GNE: variants seen among roughly 807,000 people sequenced by gnomAD.
GNE encodes the protein glucosamine (UDP-N-acetyl)-2-epimerase/N-acetylmannosamine kinase.
GNE carries 41 observed loss-of-function variants against 61.8 expected under a neutral mutation model. The observed-to-expected ratio is 0.66, with a 90% confidence interval of 0.52 to 0.86. The LOEUF is 0.86. Among genes scored for constraint, GNE ranks in the 40% least tolerant of loss-of-function variants. The pLI, the probability that GNE is intolerant of heterozygous loss-of-function variation, is 0.00. For missense variants in GNE, 608 were observed against 909.1 expected (o/e 0.67, Z 4.26); for synonymous variants, 264 against 326.4 (o/e 0.81, Z 2.06).
At chr9:36,251,676 T>C (rs1830109883) in intron 1 of GNE, among the ~76,000 whole-genome samples, 1 of 152,152 alleles carries the variant, frequency 6.6e-6, no homozygotes, top group South Asian at 2.1e-4. Flanking sequence ...AGTGTATCAA[T>C]ATTTAGAACT....
intron 1 of GNE, among the ~76,000 whole-genome samples, chr9:36,276,137 C>T (rs759683859): frequency 1.3e-5 from 2 of 152,038 alleles, no homozygotes; most frequent in Non-Finnish European, 2.9e-5. Flanking sequence ...TATGCCACTA[C>T]AATCCAGCCT....
chr9:36,233,020 A>G (rs554164939), intron 5 of GNE, among the ~76,000 whole-genome samples: 1 of 152,334 alleles, frequency 6.6e-6, no homozygotes, highest in African/African-American at 2.4e-5. Flanking sequence ...AAAGGTGGCA[A>G]TTATGAAGAA....
At position 36,218,123 on chromosome 9, in the gene GNE, G is replaced by T; in HGVS notation, c.1933+60C>A. On this transcript the variant is annotated intron_variant, in intron 11 of 11. Coordinates refer to ENST00000642385, the MANE Select transcript of GNE (RefSeq NM_005476.7). This position sits in a 1 kb window ranked among gnomAD's most constrained non-coding sequence, Gnocchi z 4.1. Reference sequence around the variant, plus strand: ...GCAGGGTCTCTTCTGGGGCCGGGCTGGGCCATATGATATCTGAGGCCACCC... The same window carrying T: ...GCAGGGTCTCTTCTGGGGCCGGGCTTGGCCATATGATATCTGAGGCCACCC... 9.0e-7 allele frequency: 1 copy of T among 1,112,828 alleles called. No homozygotes were observed. Among genetic ancestry groups the T allele is most frequent in the Non-Finnish European group, 1.4e-6 (1 of 722,354 alleles). The allele number at this position is 1,112,828 out of a possible 1,614,324, so 68.9% of individuals were successfully genotyped here.
At position 36,238,107 on chromosome 9, in the gene GNE, AATAG is replaced by A. The variant is rs541616470; in HGVS notation, c.617-1127_617-1124del. 1.6e-3 allele frequency among the ~76,000 whole-genome samples: 223 copies of A among 140,570 alleles called. 1 individual carries two copies. The highest frequency in any genetic ancestry group is 5.6e-3 in the African/African-American group (204 of 36,438). 92.2% of individuals were successfully genotyped at this position (140,570 alleles called of 152,430 possible). A position where few individuals can be genotyped will look rare whatever the true frequency, so the allele number is the denominator to read the frequency against. ...ACATAGATATATAGATGTAGATATA[AATAG>A]ATATATATAGATACACACACACACA... On this transcript the variant is annotated intron_variant, in intron 3 of 11. Coordinates refer to ENST00000642385, the MANE Select transcript of GNE (RefSeq NM_005476.7).
At chr9:36,255,216 CTT>C (rs1324817664) in intron 1 of GNE, among the ~76,000 whole-genome samples, 2 of 151,784 alleles carry the variant, frequency 1.3e-5, no homozygotes, top group Non-Finnish European at 2.9e-5. Flanking sequence ...CAGTATTTTT[CTT>C]TTTTCTTGAG....
chr9:36,220,174 C>G (rs1828526310), intron 9 of GNE, among the ~76,000 whole-genome samples, 154 bp from the exon 10 acceptor site: 1 of 152,264 alleles, frequency 6.6e-6, no homozygotes, highest in South Asian at 2.1e-4. Context: ...AAAGCATTCT[C>G]TGGCAGCATT....
At position 36,232,289 on chromosome 9, in the gene GNE, T is replaced by G. The variant is rs566508437; in HGVS notation, c.982+1631A>C. ...CACTATCATCTCTCATCTGAGCAAC[T>G]GAATCAGCCCCCTTACTGGTCTCCC... On this transcript the variant is annotated intron_variant, in intron 5 of 11. Transcript: ENST00000642385. Among the ~76,000 whole-genome samples, 460 of 152,170 alleles carry G rather than the reference T, an allele frequency of 3.0e-3. 2 individuals carry two copies. The highest frequency in any genetic ancestry group is 5.3e-3 in the Non-Finnish European group (360 of 67,998).
At chr9:36,219,170 T>C (rs1828471287) in intron 10 of GNE, among the ~76,000 whole-genome samples, 1 of 152,094 alleles carries the variant, frequency 6.6e-6, no homozygotes, top group Non-Finnish European at 1.5e-5. Context: ...CTACCCCCAC[T>C]GCCAACAGAC....
At chr9:36,256,348 G>T (rs886702614) in intron 1 of GNE, among the ~76,000 whole-genome samples, 7 of 143,892 alleles carry the variant, frequency 4.9e-5, no homozygotes, top group African/African-American at 1.6e-4. Flanking sequence ...GGGTTCAAGC[G>T]ATACTCCTAT....
chr9:36,259,035 G>A (rs1436153955), upstream of GNE, among the ~76,000 whole-genome samples: 2 of 152,214 alleles, frequency 1.3e-5, no homozygotes, highest in African/African-American at 2.4e-5. Context: ...AGGGAGAAAC[G>A]TGGCGGTGGT....
chr9:36,243,911 T>C (rs1015623283), intron 3 of GNE, among the ~76,000 whole-genome samples: 3 of 152,022 alleles, frequency 2.0e-5, no homozygotes, highest in African/African-American at 7.2e-5. Flanking sequence ...TCTTTGCTTA[T>C]TCAATTTTCT....
intron 2 of GNE, among the ~76,000 whole-genome samples, chr9:36,248,925 C>T (rs1830007517): frequency 2.0e-5 from 3 of 152,122 alleles, no homozygotes; most frequent in African/African-American, 7.2e-5. Flanking sequence ...TTTATAGCTA[C>T]CATTTATCAA....
chr9:36,244,807 G>C (rs1829796301), intron 3 of GNE, among the ~76,000 whole-genome samples: 1 of 151,548 alleles, frequency 6.6e-6, no homozygotes, highest in African/African-American at 2.4e-5. Context: ...AGGTGTGGTG[G>C]TGTGCGCCTG....
At chr9:36,256,484 A>T (rs535759385) in intron 1 of GNE, among the ~76,000 whole-genome samples, 1 of 151,746 alleles carries the variant, frequency 6.6e-6, no homozygotes, top group East Asian at 2.0e-4. Flanking sequence ...ACCTCAGGTG[A>T]TCCGCCTGCA....
At chr9:36,241,934 G>A (rs1183223561) in intron 3 of GNE, among the ~76,000 whole-genome samples, 4 of 152,030 alleles carry the variant, frequency 2.6e-5, no homozygotes, top group African/African-American at 4.8e-5. Flanking sequence ...TCAGGAGTTC[G>A]AGACGAACTT....
chr9:36,244,434 T>G lies in GNE; in HGVS notation c.616+1597A>C, dbSNP rs373426888. Among the ~76,000 whole-genome samples the G allele has an allele frequency of 3.9e-5, 6 of 152,180 alleles. No individual in the cohort carries two copies. In the South Asian group the frequency reaches 1.0e-3, roughly 26 times the overall value. On this transcript the variant is annotated intron_variant, in intron 3 of 11. Transcript: ENST00000642385. ...AAACTTGGATTTTTTTACCTCTGAT[T>G]AGCAAAAGATAATTTCTAGGAAGCT...
upstream of GNE, among the ~76,000 whole-genome samples, chr9:36,262,455 A>C (rs1830643430): frequency 6.6e-6 from 1 of 152,096 alleles, no homozygotes; most frequent in Admixed American, 6.6e-5. Context: ...ATAATATTAC[A>C]TTTCTGGATT....
intron 2 of GNE, among the ~76,000 whole-genome samples, chr9:36,247,138 C>A (rs1284052450): frequency 6.6e-6 from 1 of 151,888 alleles, no homozygotes. Context: ...CTCACTGCAA[C>A]CTCCACCTCC....
chr9:36,241,161 G>T (rs1829615796), intron 3 of GNE, among the ~76,000 whole-genome samples: 2 of 151,380 alleles, frequency 1.3e-5, no homozygotes, highest in African/African-American at 4.9e-5. Flanking sequence ...TGTCGCCCAG[G>T]TTGGAGTGCA....
Sources: gnomAD v4.1 joint callset for allele counts (sites outside exome capture counted in the v4.1 genomes callset) on GRCh38, gnomAD v4.1.1 for gene constraint, Gnocchi (gnomAD v3.1) non-coding constraint, MANE v1.5 for transcripts, NCBI Gene and HGNC (gene_info 2026-07-23, HGNC 2026-07-21) for gene names.